NRG1: variants seen among roughly 807,000 people sequenced by gnomAD.
The protein encoded by NRG1 is neuregulin 1.
A neutral mutation model predicts 63.8 loss-of-function variants in NRG1; 18 were observed. That is an observed-to-expected ratio of 0.28 (90% confidence interval 0.19 to 0.42). NRG1 has a LOEUF of 0.42. Ranked by LOEUF, NRG1 falls within the 10% of genes least tolerant of loss-of-function variation. NRG1 has a pLI of 1.00. For synonymous variants in NRG1, 302 were observed against 301.3 expected (o/e 1.00, Z -0.02); for missense variants, 762 against 814.7 (o/e 0.94, Z 0.79).
intron 1 of NRG1, among the ~76,000 whole-genome samples, chr8:31,721,253 A>G (rs183163121): frequency 1.8e-4 from 27 of 152,304 alleles, no homozygotes; most frequent in Admixed American, 1.6e-3. Flanking sequence ...TGTGTTTATT[A>G]TGCCCCAAAC....
At chr8:32,285,493 C>G (rs889758170) in intron 1 of NRG1, among the ~76,000 whole-genome samples, 19 of 152,196 alleles carry the variant, frequency 1.2e-4, no homozygotes, top group African/African-American at 4.6e-4. Context: ...GTTTTTGCAG[C>G]TATTGCTGGT....
intron 1 of NRG1, among the ~76,000 whole-genome samples, chr8:31,780,363 T>C (rs894969042): frequency 6.6e-6 from 1 of 152,238 alleles, no homozygotes; most frequent in Non-Finnish European, 1.5e-5. Flanking sequence ...AATAGGCTTA[T>C]GGTTTTATAA....
At chr8:31,684,689 G>C (rs1196630949) in intron 1 of NRG1, among the ~76,000 whole-genome samples, 1 of 151,700 alleles carries the variant, frequency 6.6e-6, no homozygotes, top group African/African-American at 2.4e-5. Context: ...TTTTTTCAAC[G>C]TGTGATGTAT....
intron 1 of NRG1, among the ~76,000 whole-genome samples, chr8:32,300,332 A>C (rs1855441889): frequency 6.6e-6 from 1 of 152,242 alleles, no homozygotes; most frequent in South Asian, 2.1e-4. Context: ...AGTATAGCCA[A>C]ATTTTATCTT....
At chr8:31,788,647 T>C (rs1008480608) in intron 1 of NRG1, among the ~76,000 whole-genome samples, 11 of 152,302 alleles carry the variant, frequency 7.2e-5, no homozygotes, top group Non-Finnish European at 1.5e-5. Context: ...TAGTGATTTG[T>C]TGTTGTTGAG....
intron 1 of NRG1, among the ~76,000 whole-genome samples, chr8:32,153,477 T>C (rs1837727681): frequency 6.6e-6 from 1 of 152,176 alleles, no homozygotes; most frequent in Non-Finnish European, 1.5e-5. Context: ...GCTGACATTG[T>C]TACTCCTAAT....
chr8:32,253,302 A>G (rs1217125477), intron 1 of NRG1, among the ~76,000 whole-genome samples: 7 of 152,084 alleles, frequency 4.6e-5, no homozygotes, highest in Admixed American at 4.6e-4. Flanking sequence ...GTTTTTGCCT[A>G]TTCAGTATGA....
chr8:31,818,868 T>C (rs921462956), intron 1 of NRG1, among the ~76,000 whole-genome samples: 3 of 152,006 alleles, frequency 2.0e-5, no homozygotes, highest in African/African-American at 7.2e-5. Context: ...CCATCCTGGC[T>C]AACACGGTGA....
At chr8:32,760,796 A>C in intron 11 of NRG1, 1 of 1,013,300 alleles carries the variant, frequency 9.9e-7, no homozygotes, top group Non-Finnish European at 1.2e-6. Context: ...AGTTATCCAA[A>C]CTCTGATTCG....
chr8:32,607,255 A>G (rs1845428108), intron 3 of NRG1, among the ~76,000 whole-genome samples: 1 of 152,166 alleles, frequency 6.6e-6, no homozygotes, highest in Non-Finnish European at 1.5e-5. Flanking sequence ...TACCTGAAAC[A>G]CACATTAAAA....
chr8:32,576,341 T>A (rs1839629512), intron 1 of NRG1, among the ~76,000 whole-genome samples: 1 of 152,202 alleles, frequency 6.6e-6, no homozygotes, highest in South Asian at 2.1e-4. Flanking sequence ...TTTTGTTTTT[T>A]AAAAAATAAT....
intron 1 of NRG1, among the ~76,000 whole-genome samples, chr8:32,456,778 C>T (rs1369312723): frequency 6.6e-6 from 1 of 152,094 alleles, no homozygotes. Flanking sequence ...TTGGACCCCC[C>T]CAGCATCCAT....
At chr8:32,102,082 T>C (rs1188200647) in intron 1 of NRG1, among the ~76,000 whole-genome samples, 2 of 152,032 alleles carry the variant, frequency 1.3e-5, no homozygotes, top group Non-Finnish European at 2.9e-5. Flanking sequence ...ATAAGAAGAG[T>C]TGGAGATAAA....
At chr8:31,972,790 T>A (rs374831994) in intron 1 of NRG1, among the ~76,000 whole-genome samples, 1 of 152,188 alleles carries the variant, frequency 6.6e-6, no homozygotes, top group Non-Finnish European at 1.5e-5. Flanking sequence ...GCCATAACAG[T>A]GTGATTCTAC....
intron 1 of NRG1, among the ~76,000 whole-genome samples, chr8:32,097,532 C>G (rs761022130): frequency 3.0e-4 from 45 of 152,100 alleles, no homozygotes; most frequent in Non-Finnish European, 1.2e-4. Flanking sequence ...TGATAATAAC[C>G]ATACTAACTA....
chr8:32,740,495 C>T (rs1826071653), intron 6 of NRG1, among the ~76,000 whole-genome samples: 2 of 152,138 alleles, frequency 1.3e-5, no homozygotes, highest in African/African-American at 4.8e-5. Context: ...CTGCGCCCGG[C>T]CAAGCTTATA....
chr8:32,712,238 T>G (rs926579397), intron 5 of NRG1, among the ~76,000 whole-genome samples: 2 of 152,214 alleles, frequency 1.3e-5, no homozygotes, highest in African/African-American at 4.8e-5. Context: ...ATGATGATAA[T>G]CCAGTTAAAT....
intron 7 of NRG1, chr8:32,751,000 A>G (rs1306725575): frequency 6.6e-6 from 1 of 152,126 alleles, no homozygotes; most frequent in African/African-American, 2.4e-5. Flanking sequence ...CCTTAACAGC[A>G]TATTTCTCAT....
intron 1 of NRG1, among the ~76,000 whole-genome samples, chr8:32,380,540 A>G (rs1427024353): frequency 1.3e-5 from 2 of 152,020 alleles, no homozygotes; most frequent in South Asian, 2.1e-4. Context: ...AGATTTCTCA[A>G]ACTTCACACT....
Sources: allele counts gnomAD v4.1 joint callset (sites outside exome capture counted in the v4.1 genomes callset), GRCh38; gene constraint gnomAD v4.1.1; transcripts MANE v1.5; gene names NCBI Gene and HGNC (gene_info 2026-07-23, HGNC 2026-07-21).